MAGI2: variants seen among roughly 807,000 people sequenced by gnomAD.
MAGI2 encodes membrane-associated guanylate kinase, WW and PDZ domain-containing protein 2.
MAGI2 carries 35 observed loss-of-function variants against 133.3 expected under a neutral mutation model. The ratio of observed to expected loss-of-function variants is 0.26; its 90% CI spans 0.20 to 0.35. The LOEUF is 0.35. MAGI2 is among the 10% of genes least tolerant of loss of function. The pLI, the probability that MAGI2 is intolerant of heterozygous loss-of-function variation, is 1.00. For synonymous variants in MAGI2, 729 were observed against 710.6 expected (o/e 1.03, Z -0.41); for missense variants, 1,636 against 1,863.4 (o/e 0.88, Z 2.25).
Position 78,256,396 on chromosome 7 carries a change from T to C in MAGI2, c.1594A>G (p.Arg532Gly). The C allele has an allele frequency of 6.2e-7, 1 of 1,613,896 alleles. No homozygotes were observed. The highest frequency in any genetic ancestry group is 8.5e-7 in the Non-Finnish European group (1 of 1,179,936). ...CCATTGACCATCACTGGAGGTGGCC[T>C]CTCCATTATTGCAAGGGGTGGCACC... is the stretch of plus-strand genomic sequence containing the variant. ...SMVPPLAIME[R>G]PPPVMVNGRH... is the part of the protein sequence containing the mutation. The change falls in exon 10 of 22, where the codon AGG (arginine) becomes GGG (glycine). Residue 532 changes from arginine (R) to glycine (G), a missense_variant. Arg to Gly is a moderately radical substitution (Grantham distance 125, BLOSUM62 -2). This residue lies in a region of MAGI2 where 920 missense variants were observed against 1,093.5 expected (regional missense o/e 0.84). Transcript: ENST00000354212.
At chr7:79,264,042 A>G (rs954670270) in intron 1 of MAGI2, among the ~76,000 whole-genome samples, 1 of 152,178 alleles carries the variant, frequency 6.6e-6, no homozygotes, top group Admixed American at 6.6e-5. Context: ...AGAAGCCACC[A>G]CATTTTTTTA....
chr7:78,344,105 C>T, intron 8 of MAGI2, 145 bp from the exon 9 acceptor site: 1 of 616,526 alleles, frequency 1.6e-6, no homozygotes, highest in Non-Finnish European at 2.8e-6. Flanking sequence ...GTGGTGACTG[C>T]AAGAGGAGCA....
At chr7:79,034,827 G>A (rs906184593) in intron 1 of MAGI2, among the ~76,000 whole-genome samples, 2 of 152,002 alleles carry the variant, frequency 1.3e-5, no homozygotes, top group African/African-American at 4.8e-5. Context: ...CAAATACAAA[G>A]GACAATAATA....
At chr7:78,583,345 A>T (rs1213956203) in intron 3 of MAGI2, 1 of 173,186 alleles carries the variant, frequency 5.8e-6, no homozygotes, top group Non-Finnish European at 1.3e-5. Context: ...AAAAATAAAA[A>T]AAATTAGCTG....
Position 79,247,630 on chromosome 7 carries a change from C to A in MAGI2, c.301+205390G>T, listed in dbSNP as rs142490587. Among the ~76,000 whole-genome samples, 56 of 152,090 alleles carry A rather than the reference C, an allele frequency of 3.7e-4. No homozygotes were observed. In the East Asian group the frequency reaches 0.01, roughly 28 times the overall value. On this transcript the variant is annotated intron_variant, in intron 1 of 21. Coordinates refer to ENST00000354212, the MANE Select transcript of MAGI2 (RefSeq NM_012301.4). ...ACTGTCTGAAATACTACTACTACTA[C>A]TACTACTAATAACTATAACAACTTT...
intron 3 of MAGI2, among the ~76,000 whole-genome samples, chr7:78,549,914 A>C (rs1799190503): frequency 6.6e-6 from 1 of 152,086 alleles, no homozygotes; most frequent in African/African-American, 2.4e-5. Context: ...TTCTACTATG[A>C]TCTGAGTATT....
chr7:78,940,997 T>A (rs1387968580), intron 2 of MAGI2: 1 of 152,194 alleles, frequency 6.6e-6, no homozygotes, highest in East Asian at 1.9e-4. Context: ...GGGAAGCCGC[T>A]TTCATATTAC....
chr7:78,653,775 T>TAA (rs3085457), intron 2 of MAGI2, among the ~76,000 whole-genome samples: 3 of 142,868 alleles, frequency 2.1e-5, no homozygotes, highest in Non-Finnish European at 3.1e-5. Flanking sequence ...TGAAGTATGA[T>TAA]AAAAAAAAAA....
At chr7:79,301,215 C>T (rs1837374028) in intron 1 of MAGI2, among the ~76,000 whole-genome samples, 1 of 152,238 alleles carries the variant, frequency 6.6e-6, no homozygotes, top group Admixed American at 6.5e-5. Flanking sequence ...CCACTATCCT[C>T]CAGATCTGAG....
intron 1 of MAGI2, among the ~76,000 whole-genome samples, chr7:79,338,442 T>C (rs1840648346): frequency 6.6e-6 from 1 of 152,158 alleles, no homozygotes; most frequent in South Asian, 2.1e-4. Flanking sequence ...TTTAGCAGCC[T>C]TCCTTCCATA....
At chr7:78,951,098 A>G (rs1801837407) in intron 2 of MAGI2, among the ~76,000 whole-genome samples, 1 of 151,590 alleles carries the variant, frequency 6.6e-6, no homozygotes, top group Admixed American at 6.6e-5. Flanking sequence ...CAGCCTCCCA[A>G]GTGGCTGGGA....
intron 2 of MAGI2, among the ~76,000 whole-genome samples, chr7:78,670,064 C>A (rs1332979207): frequency 1.3e-5 from 2 of 151,532 alleles, no homozygotes; most frequent in African/African-American, 2.4e-5. Context: ...GTTGGAAGTT[C>A]TGGCCAGGGC....
chr7:78,440,306 T>C (rs1787487048), intron 6 of MAGI2, among the ~76,000 whole-genome samples: 1 of 152,118 alleles, frequency 6.6e-6, no homozygotes, highest in Non-Finnish European at 1.5e-5. Flanking sequence ...GAAACTGAAG[T>C]GAATAGAGGT....
intron 6 of MAGI2, among the ~76,000 whole-genome samples, chr7:78,433,248 T>TAGCATTGGACAGCTA (rs1799966081): frequency 6.6e-6 from 1 of 152,142 alleles, no homozygotes; most frequent in African/African-American, 2.4e-5. Flanking sequence ...TAAGTAGTTT[T>TAGCATTGGACAGCTA]AATGGATACA....
At chr7:78,761,137 G>T (rs751438271) in intron 2 of MAGI2, among the ~76,000 whole-genome samples, 2 of 152,218 alleles carry the variant, frequency 1.3e-5, no homozygotes, top group African/African-American at 4.8e-5. Context: ...CTCAATTCTG[G>T]TCTATCCTGT....
At chr7:78,488,370 A>C (rs1161589451) in intron 6 of MAGI2, among the ~76,000 whole-genome samples, 2 of 152,078 alleles carry the variant, frequency 1.3e-5, no homozygotes, top group African/African-American at 4.8e-5. Flanking sequence ...TTTTATAATA[A>C]AAAGAACAAC....
intron 6 of MAGI2, among the ~76,000 whole-genome samples, chr7:78,419,451 G>T (rs1056974103): frequency 6.6e-6 from 1 of 151,872 alleles, no homozygotes; most frequent in African/African-American, 2.4e-5. Context: ...ATGAAGACTG[G>T]GATGGGGTAA....
At chr7:79,118,840 T>G (rs899688399) in intron 1 of MAGI2, among the ~76,000 whole-genome samples, 2 of 152,140 alleles carry the variant, frequency 1.3e-5, no homozygotes, top group African/African-American at 4.8e-5. Context: ...TGCTTCTTTA[T>G]ATATATCAAT....
At chr7:78,299,550 C>T (rs1043384877) in intron 9 of MAGI2, among the ~76,000 whole-genome samples, 3 of 152,064 alleles carry the variant, frequency 2.0e-5, no homozygotes, top group Non-Finnish European at 4.4e-5. Context: ...GGGAATATGC[C>T]AGTGGGTGTG....
Sources: allele counts gnomAD v4.1 joint callset (sites outside exome capture counted in the v4.1 genomes callset), GRCh38; gene constraint gnomAD v4.1.1; regional missense constraint gnomAD v4.1.1; transcripts MANE v1.5; gene names NCBI Gene and HGNC (gene_info 2026-07-23, HGNC 2026-07-21).